CHAT: variants seen among roughly 807,000 people sequenced by gnomAD.
CHAT encodes choline O-acetyltransferase.
In CHAT, 61 loss-of-function variants were observed where a neutral mutation model predicts 76.9. The observed-to-expected ratio is 0.79, with a 90% CI of 0.65 to 0.98. The LOEUF (loss-of-function observed/expected upper bound fraction) is 0.98. Among genes scored for constraint, CHAT ranks in the 50% least tolerant of loss-of-function variants. The pLI, the probability that CHAT is intolerant of heterozygous loss-of-function variation, is 0.00. For synonymous variants in CHAT, 407 were observed against 397.4 expected, an observed-to-expected ratio of 1.02 and a Z score of -0.29; for missense variants, 946 against 986.9, an observed-to-expected ratio of 0.96 and a Z score of 0.56.
chr10:49,618,939 T>G (rs577771744), intron 2 of CHAT, among the ~76,000 whole-genome samples: 1 of 152,308 alleles, frequency 6.6e-6, no homozygotes, highest in South Asian at 2.1e-4. Flanking sequence ...GTCCTATGGA[T>G]GAGGAGCAGA....
intron 14 of CHAT, among the ~76,000 whole-genome samples, chr10:49,663,346 A>G (rs1175622520): frequency 1.3e-5 from 2 of 152,212 alleles, no homozygotes; most frequent in African/African-American, 2.4e-5. Context: ...TGCCCTAACC[A>G]TTACACCTTA....
rs1424086777 is a variant in CHAT at position 49,665,961 on chromosome 10, T to C, written c.*915T>C. ...ACATGCTCCAGTAGGTGAAGAGAGA[T>C]GGTTACTTTGGGTTTTTCCATTATC... On this transcript the variant is annotated 3_prime_UTR_variant, in exon 15 of 15. Coordinates refer to ENST00000337653, the MANE Select transcript of CHAT (RefSeq NM_020549.5). 4.6e-5 allele frequency among the ~76,000 whole-genome samples: 7 copies of C among 152,192 alleles called. No individual in the cohort carries two copies. The highest frequency in any genetic ancestry group is 2.1e-4 in the South Asian group (1 of 4,822).
chr10:49,637,225 T>G (rs1252777030), intron 7 of CHAT, among the ~76,000 whole-genome samples: 1 of 152,226 alleles, frequency 6.6e-6, no homozygotes, highest in Non-Finnish European at 1.5e-5. Flanking sequence ...AAGAAATTAT[T>G]GATTTGAGAC....
chr10:49,611,624 C>G, upstream of CHAT: 2 of 1,611,562 alleles, frequency 1.2e-6, no homozygotes, highest in African/African-American at 1.3e-5. Context: ...GCCGTGGTGG[C>G]CGGCGCGCTC....
chr10:49,613,935 G>A (rs181847533), upstream of CHAT: 2,379 of 604,280 alleles, frequency 3.9e-3, 6 homozygotes, highest in Non-Finnish European at 5.9e-3. Flanking sequence ...GTGGGGAGAG[G>A]AGGGCAGCGA....
intron 13 of CHAT, among the ~76,000 whole-genome samples, chr10:49,655,930 T>A (rs772912047): frequency 6.6e-6 from 1 of 152,112 alleles, no homozygotes; most frequent in Non-Finnish European, 1.5e-5. Context: ...AATAGGGAAA[T>A]CAAACTTGCA....
intron 5 of CHAT, among the ~76,000 whole-genome samples, chr10:49,624,929 C>T (rs1052088652): frequency 8.0e-5 from 12 of 149,914 alleles, no homozygotes; most frequent in Non-Finnish European, 1.2e-4. Context: ...ATGGATGTTT[C>T]GTGGTAGAAG....
chr10:49,621,570 C>T (rs1047210621), intron 4 of CHAT, among the ~76,000 whole-genome samples: 8 of 152,078 alleles, frequency 5.3e-5, no homozygotes, highest in Non-Finnish European at 1.2e-4. Flanking sequence ...AGGAAAGGGA[C>T]CAAATTACTG....
In CHAT at chr10:49,648,516, G is replaced by T. The variant is rs1554807467; in HGVS notation, c.1291G>T (p.Gly431Cys). 1 of 1,613,704 alleles carries T rather than the reference G, an allele frequency of 6.2e-7. No homozygotes were observed. The highest frequency in any genetic ancestry group is 8.5e-7 in the Non-Finnish European group (1 of 1,179,778). Residue 431 changes from glycine (G) to cysteine (C), a missense_variant, in exon 9 of 15, where the codon GGC becomes TGC. Coordinates refer to ENST00000337653, the MANE Select transcript of CHAT (RefSeq NM_020549.5). Reference protein sequence around the residue: ...WYDKSLQFVVGRDGTCGVVCE... With the variant: ...WYDKSLQFVVCRDGTCGVVCE... The stretch of plus-strand genomic sequence containing the variant: ...CTCTTTCCTGTTGCAGTTTGTGGTG[G>T]GCCGAGACGGCACCTGCGGTGTGGT...
intron 2 of CHAT, 83 bp from the exon 3 acceptor site, chr10:49,619,642 A>G (rs1838623554): frequency 2.2e-6 from 3 of 1,350,194 alleles, no homozygotes; most frequent in Non-Finnish European, 2.1e-6. Flanking sequence ...GGGGCAGAAC[A>G]ATACAGATAC....
chr10:49,661,663 TACTC>T (rs1564497110), intron 13 of CHAT, among the ~76,000 whole-genome samples: 1 of 152,156 alleles, frequency 6.6e-6, no homozygotes, highest in Non-Finnish European at 1.5e-5. Flanking sequence ...CCCCAAGAGT[TACTC>T]ACAGTTACCC....
At chr10:49,663,390 G>A (rs1840259300) in intron 14 of CHAT, among the ~76,000 whole-genome samples, 1 of 152,154 alleles carries the variant, frequency 6.6e-6, no homozygotes. Flanking sequence ...GTTTCCACGG[G>A]CTCTGATGCC....
chr10:49,655,585 A>C, intron 13 of CHAT, 137 bp downstream of exon 13: 3 of 754,854 alleles, frequency 4.0e-6, no homozygotes, highest in Non-Finnish European at 7.1e-6. Flanking sequence ...CCACTTCACC[A>C]CTCGGTCTCT....
intron 13 of CHAT, among the ~76,000 whole-genome samples, chr10:49,656,766 G>T (rs1464992674): frequency 6.6e-6 from 1 of 152,204 alleles, no homozygotes; most frequent in East Asian, 1.9e-4. Context: ...GGTTGGAATT[G>T]GGGGTGGGAA....
upstream of CHAT, chr10:49,612,388 C>T: frequency 6.5e-7 from 1 of 1,527,536 alleles, no homozygotes; most frequent in South Asian, 1.3e-5. Context: ...GTCAAGGGGG[C>T]TGCTCTGCAA....
chr10:49,639,961 C>T (rs1461261543), intron 7 of CHAT, among the ~76,000 whole-genome samples: 4 of 152,164 alleles, frequency 2.6e-5, no homozygotes, highest in South Asian at 4.1e-4. Flanking sequence ...CTAGGTTCTG[C>T]TGTTGAGTCC....
intron 1 of CHAT, chr10:49,615,916 C>A: frequency 1.1e-6 from 1 of 935,996 alleles, no homozygotes; most frequent in Non-Finnish European, 1.7e-6. Context: ...GTCTCCCTGC[C>A]CTGGCCACAG....
At chr10:49,612,281 C>T (rs757770562), upstream of CHAT, 2 of 1,611,748 alleles carry the variant, frequency 1.2e-6, no homozygotes, top group African/African-American at 1.3e-5. Context: ...CCTCGCAGCC[C>T]GCCTGGCCCT....
Position 49,615,939 on chromosome 10 carries a change from A to G in CHAT, c.287-563A>G, listed in dbSNP as rs115583162. 1.7e-3 allele frequency: 2,092 copies of G among 1,221,192 alleles called. 22 individuals are homozygous for G. The African/African-American group carries it at 0.027, about 16-fold the overall frequency. The allele number at this position is 1,221,192 out of a possible 1,614,324, so 75.6% of individuals were successfully genotyped here. On this transcript the variant is annotated intron_variant, in intron 1 of 14. Transcript: ENST00000337653. Reference sequence around the variant, plus strand: ...GCCCTGGCCACAGGCCAGGCTCCCAATTAGCCCAGATGCATCCTGGAGCAC... The same window carrying G: ...GCCCTGGCCACAGGCCAGGCTCCCAGTTAGCCCAGATGCATCCTGGAGCAC...
Sources: gnomAD v4.1 joint callset for allele counts (sites outside exome capture counted in the v4.1 genomes callset) on GRCh38, gnomAD v4.1.1 for gene constraint, MANE v1.5 for transcripts, NCBI Gene and HGNC (gene_info 2026-07-23, HGNC 2026-07-21) for gene names.